The following AKT3 variants were observed in gnomAD, a reference collection of about 807,000 sequenced individuals.
AKT3 encodes AKT serine/threonine kinase 3.
AKT3 carries 15 observed loss-of-function variants against 65.3 expected under a neutral mutation model. That is an observed-to-expected ratio of 0.23 (90% CI 0.15 to 0.35). The LOEUF is 0.35. Ranked by LOEUF, AKT3 falls within the 10% of genes least tolerant of loss-of-function variation. The pLI is 1.00. For synonymous variants in AKT3, 206 were observed against 183.8 expected (o/e 1.12, Z -0.98); for missense variants, 243 against 576.5 (o/e 0.42, Z 5.92).
At chr1:243,647,512 A>G (rs1680911561) in intron 4 of AKT3, among the ~76,000 whole-genome samples, 1 of 152,194 alleles carries the variant, frequency 6.6e-6, no homozygotes, top group Admixed American at 6.5e-5. Flanking sequence ...AAGTGACACA[A>G]GACTGTTCTT....
At chr1:243,608,392 A>G (rs993334248) in intron 8 of AKT3, among the ~76,000 whole-genome samples, 3 of 152,234 alleles carry the variant, frequency 2.0e-5, no homozygotes, top group Non-Finnish European at 4.4e-5. Context: ...GCTATTGTTA[A>G]TTAAAAATCA....
chr1:243,683,607 T>C (rs1292425385), intron 3 of AKT3, among the ~76,000 whole-genome samples: 1 of 151,882 alleles, frequency 6.6e-6, no homozygotes, highest in African/African-American at 2.4e-5. Context: ...TAAGCACCTA[T>C]CAACAAGTAA....
At chr1:243,623,855 G>T (rs759595766) in intron 6 of AKT3, among the ~76,000 whole-genome samples, 3 of 152,144 alleles carry the variant, frequency 2.0e-5, no homozygotes, top group Non-Finnish European at 2.9e-5. Context: ...ATATGTATCC[G>T]ATTGTGTCTG....
rs1669394036 is a variant in AKT3 at position 243,502,681 on chromosome 1, G to A, written c.*2568C>T. ...GACAGATCTGGAAGTGAAAATAGGG[G>A]ATTCTCAAAATCAAAGCCAAGAAGA... On this transcript the variant is annotated 3_prime_UTR_variant, in exon 14 of 14. Transcript: ENST00000673466. 8.6e-6 allele frequency: 2 copies of A among 233,120 alleles called. No individual in the cohort carries two copies. Among genetic ancestry groups the A allele is most frequent in the South Asian group, 3.6e-4 (2 of 5,532 alleles). 14.4% of individuals were successfully genotyped at this position (233,120 alleles called of 1,614,324 possible).
At chr1:243,505,450 A>G (rs2148346208) in intron 13 of AKT3, 116 bp from the exon 14 acceptor site, 1 of 784,808 alleles carries the variant, frequency 1.3e-6, no homozygotes, top group East Asian at 2.6e-5. Context: ...AATAGCTCCC[A>G]TAAACTTGTG....
At chr1:243,833,091 C>T (rs533723140) in intron 2 of AKT3, among the ~76,000 whole-genome samples, 88 of 152,042 alleles carry the variant, frequency 5.8e-4, no homozygotes, top group African/African-American at 2.0e-3. Context: ...GAAACCCCGT[C>T]GCTTAATGAA....
chr1:243,659,029 C>CA (rs34859631), intron 4 of AKT3, among the ~76,000 whole-genome samples: 6,884 of 141,104 alleles, frequency 0.049, 186 homozygotes, highest in African/African-American at 0.08. Flanking sequence ...GACCTTGTCT[C>CA]AAAAAAAAAA....
At chr1:243,817,776 AC>A (rs1303824437) in intron 2 of AKT3, among the ~76,000 whole-genome samples, 1 of 152,150 alleles carries the variant, frequency 6.6e-6, no homozygotes, top group Non-Finnish European at 1.5e-5. Flanking sequence ...CAGTCTGAAA[AC>A]CCAGCTTGTT....
chr1:243,811,172 G>A (rs575179599), intron 2 of AKT3, among the ~76,000 whole-genome samples: 92 of 152,220 alleles, frequency 6.0e-4, no homozygotes, highest in Middle Eastern at 3.4e-3. Context: ...AGTTCTAGCC[G>A]GGGCAATCAG....
At chr1:243,618,544 G>T (rs897841132) in intron 6 of AKT3, among the ~76,000 whole-genome samples, 1 of 152,046 alleles carries the variant, frequency 6.6e-6, no homozygotes, top group African/African-American at 2.4e-5. Flanking sequence ...AAATCCATCT[G>T]TTGATCATAA....
At chr1:243,632,309 A>C (rs1415330360) in intron 6 of AKT3, among the ~76,000 whole-genome samples, 1 of 152,228 alleles carries the variant, frequency 6.6e-6, no homozygotes, top group Admixed American at 6.5e-5. Context: ...AGGCATGAAA[A>C]CAACATTCAT....
At chr1:243,492,468 A>T (rs1267659546) in intron 13 of AKT3, among the ~76,000 whole-genome samples, 10 of 149,578 alleles carry the variant, frequency 6.7e-5, no homozygotes, top group Admixed American at 1.3e-4. Flanking sequence ...CACCTAGCTA[A>T]TTTTTTTGTA....
At chr1:243,587,431 C>T (rs921732540) in intron 8 of AKT3, among the ~76,000 whole-genome samples, 21 of 151,980 alleles carry the variant, frequency 1.4e-4, no homozygotes, top group African/African-American at 4.6e-4. Flanking sequence ...GGCAACACAG[C>T]GAAACCCCGT....
intron 13 of AKT3, among the ~76,000 whole-genome samples, chr1:243,492,602 CTGTT>C (rs1354883274): frequency 2.7e-5 from 3 of 111,340 alleles, no homozygotes; most frequent in Admixed American, 1.1e-4. Flanking sequence ...CTGCGCCCAG[CTGTT>C]TTTTTTTTTT....
chr1:243,793,911 T>C (rs1460691512), intron 2 of AKT3, among the ~76,000 whole-genome samples: 1 of 152,176 alleles, frequency 6.6e-6, no homozygotes, highest in African/African-American at 2.4e-5. Flanking sequence ...TTATTCTCAT[T>C]CTACTGAGAC....
chr1:243,644,412 G>A lies in AKT3; in HGVS notation c.429+1481C>T, dbSNP rs983631625. ...TTCAGATCTTACTGCCTGGGGTTAA[G>A]TACTGGCTCCCACCCTGTGTGTAAT... On this transcript the variant is annotated intron_variant, in intron 5 of 13. Coordinates refer to ENST00000673466, the MANE Select transcript of AKT3 (RefSeq NM_005465.7). 7.9e-5 allele frequency among the ~76,000 whole-genome samples: 12 copies of A among 152,162 alleles called. No homozygotes were observed. In the South Asian group the frequency reaches 2.3e-3, roughly 29 times the overall value.
intron 2 of AKT3, among the ~76,000 whole-genome samples, chr1:243,758,884 G>A (rs1484517126): frequency 6.6e-6 from 1 of 152,110 alleles, no homozygotes; most frequent in African/African-American, 2.4e-5. Context: ...CTGGGGGTTG[G>A]GGACACCTCA....
chr1:243,645,220 T>C (rs907983564), intron 5 of AKT3, among the ~76,000 whole-genome samples: 1 of 152,182 alleles, frequency 6.6e-6, no homozygotes, highest in Non-Finnish European at 1.5e-5. Flanking sequence ...TCAAACATAT[T>C]CTAAAGTGAT....
At chr1:243,758,908 A>G (rs1689314955) in intron 2 of AKT3, among the ~76,000 whole-genome samples, 1 of 152,176 alleles carries the variant, frequency 6.6e-6, no homozygotes, top group Non-Finnish European at 1.5e-5. Context: ...AGAGTCCTAT[A>G]GATTCCTGAA....
Sources: gnomAD v4.1 joint callset for allele counts (sites outside exome capture counted in the v4.1 genomes callset) on GRCh38, gnomAD v4.1.1 for gene constraint, MANE v1.5 for transcripts, NCBI Gene and HGNC (gene_info 2026-07-23, HGNC 2026-07-21) for gene names.